TAFA2: variants seen among roughly 807,000 people sequenced by gnomAD.
TAFA2 encodes TAFA chemokine like family member 2.
A neutral mutation model predicts 18.8 loss-of-function variants in TAFA2; 7 were observed. The observed-to-expected ratio is 0.37, with a 90% CI of 0.21 to 0.70. The LOEUF (loss-of-function observed/expected upper bound fraction) is 0.70. Among genes scored for constraint, TAFA2 ranks in the 30% least tolerant of loss-of-function variants. The pLI is 0.53. For missense variants in TAFA2, 122 were observed against 158.1 expected, an observed-to-expected ratio of 0.77 and a Z score of 1.23; for synonymous variants, 60 against 54.2, an observed-to-expected ratio of 1.11 and a Z score of -0.47.
At chr12:62,203,044 C>A (rs141536027) in intron 1 of TAFA2, among the ~76,000 whole-genome samples, 49 of 152,126 alleles carry the variant, frequency 3.2e-4, no homozygotes, top group Admixed American at 1.4e-3. Context: ...CCAGGCTCGT[C>A]TTGAACTCCT....
At chr12:61,869,978 A>C (rs2121226888) in intron 1 of TAFA2, among the ~76,000 whole-genome samples, 1 of 152,300 alleles carries the variant, frequency 6.6e-6, no homozygotes, top group Non-Finnish European at 1.5e-5. Flanking sequence ...CTCTGCTACA[A>C]GGGCAATGAC....
At position 61,889,061 on chromosome 12, in the gene TAFA2, A is replaced by G. The variant is rs200614503; in HGVS notation, c.-1-21635T>C. Among the ~76,000 whole-genome samples, 402 of 151,914 alleles carry G rather than the reference A, an allele frequency of 2.6e-3. 2 individuals are homozygous for G. The highest frequency in any genetic ancestry group is 9.2e-3 in the African/African-American group (380 of 41,440). On this transcript the variant is annotated intron_variant, in intron 1 of 4. Transcript: ENST00000416284. ...GAGTGAGCTTAGGAAAGTTACCACA[A>G]CTCCTTCTCCATTCATCTCCCGTCT...
At chr12:61,769,820 CA>C (rs1869949857) in intron 2 of TAFA2, among the ~76,000 whole-genome samples, 1 of 152,030 alleles carries the variant, frequency 6.6e-6, no homozygotes, top group Admixed American at 6.6e-5. Flanking sequence ...GAAAATATGA[CA>C]AAACAAGGTT....
chr12:61,978,712 G>A (rs17125576), intron 1 of TAFA2, among the ~76,000 whole-genome samples: 1 of 151,968 alleles, frequency 6.6e-6, no homozygotes, highest in Non-Finnish European at 1.5e-5. Context: ...GAATTAGAAC[G>A]CCTGGAGAAG....
At chr12:62,248,971 GT>G (rs1407574738) in intron 1 of TAFA2, among the ~76,000 whole-genome samples, 2 of 152,118 alleles carry the variant, frequency 1.3e-5, no homozygotes, top group African/African-American at 4.8e-5. Context: ...TCTGAAGAAT[GT>G]GAGAGATGCA....
intron 1 of TAFA2, among the ~76,000 whole-genome samples, chr12:62,120,772 T>C (rs191206430): frequency 1.8e-4 from 27 of 152,206 alleles, no homozygotes; most frequent in African/African-American, 5.3e-4. Context: ...CTCCAGAGTC[T>C]CTAGTGGGGT....
At chr12:61,811,392 T>C (rs1454446530) in intron 2 of TAFA2, among the ~76,000 whole-genome samples, 1 of 151,334 alleles carries the variant, frequency 6.6e-6, no homozygotes, top group African/African-American at 2.5e-5. Flanking sequence ...GTGTGATTAG[T>C]GAATTAAAGA....
chr12:62,031,182 G>C (rs531661307), intron 1 of TAFA2, among the ~76,000 whole-genome samples: 1 of 152,138 alleles, frequency 6.6e-6, no homozygotes, highest in South Asian at 2.1e-4. Flanking sequence ...TGTTCCCAAA[G>C]GAGATTAACA....
chr12:61,778,058 G>A (rs1394141619), intron 2 of TAFA2, among the ~76,000 whole-genome samples: 1 of 151,730 alleles, frequency 6.6e-6, no homozygotes, highest in Non-Finnish European at 1.5e-5. Flanking sequence ...GAATGACCTT[G>A]CGCAAGTTAT....
intron 1 of TAFA2, among the ~76,000 whole-genome samples, chr12:62,016,033 A>G (rs541738524): frequency 7.5e-4 from 109 of 145,742 alleles, no homozygotes; most frequent in African/African-American, 2.6e-3. Flanking sequence ...AATAGTTACA[A>G]TGATAAATTT....
At position 61,794,592 on chromosome 12, in the gene TAFA2, G is replaced by A. The variant is rs575661397; in HGVS notation, c.107-39568C>T. Among the ~76,000 whole-genome samples, 8 of 152,044 alleles carry A rather than the reference G, an allele frequency of 5.3e-5. No homozygotes were observed. The East Asian group carries it at 9.7e-4, about 18-fold the overall frequency. On this transcript the variant is annotated intron_variant, in intron 2 of 4. Coordinates refer to ENST00000416284, the MANE Select transcript of TAFA2 (RefSeq NM_178539.5). ...CTTAATATTATGATTTCGATTCACC[G>A]TGTATTTATCTTTAGGTCCATTGTA...
intron 4 of TAFA2, among the ~76,000 whole-genome samples, chr12:61,716,388 C>CA (rs1320597771): frequency 6.6e-6 from 1 of 152,036 alleles, no homozygotes; most frequent in East Asian, 1.9e-4. Flanking sequence ...ATTATTATGC[C>CA]AAAAAAATGC....
intron 1 of TAFA2, chr12:62,145,516 C>A (rs563761889): frequency 6.6e-6 from 1 of 152,310 alleles, no homozygotes; most frequent in South Asian, 2.1e-4. Flanking sequence ...TGTTGGGGAC[C>A]ACTGATATAA....
intron 1 of TAFA2, among the ~76,000 whole-genome samples, chr12:61,901,788 G>T (rs1432696296): frequency 1.3e-5 from 2 of 152,118 alleles, no homozygotes; most frequent in Non-Finnish European, 2.9e-5. Context: ...GGCAATTTTT[G>T]ATTGTATACC....
chr12:61,722,216 A>G (rs1331019130), intron 4 of TAFA2, among the ~76,000 whole-genome samples: 1 of 152,174 alleles, frequency 6.6e-6, no homozygotes, highest in Non-Finnish European at 1.5e-5. Flanking sequence ...AATAGTTAAA[A>G]CTAATAGCAA....
intron 2 of TAFA2, among the ~76,000 whole-genome samples, chr12:61,834,720 A>C (rs764683031): frequency 6.6e-6 from 1 of 152,036 alleles, no homozygotes; most frequent in African/African-American, 2.4e-5. Context: ...GTGGGAAAAA[A>C]ACTGTAAGAC....
chr12:61,991,404 A>G (rs1255589823), intron 1 of TAFA2, among the ~76,000 whole-genome samples: 4 of 152,216 alleles, frequency 2.6e-5, no homozygotes, highest in African/African-American at 7.2e-5. Flanking sequence ...GAATGTTACT[A>G]TAAGCACATA....
At chr12:61,834,324 A>G (rs1430381512) in intron 2 of TAFA2, among the ~76,000 whole-genome samples, 1 of 152,046 alleles carries the variant, frequency 6.6e-6, no homozygotes, top group Non-Finnish European at 1.5e-5. Flanking sequence ...AGTCAGAAAG[A>G]TCAATAGCAT....
At chr12:62,050,700 AC>A (rs1882030039) in intron 1 of TAFA2, among the ~76,000 whole-genome samples, 1 of 152,098 alleles carries the variant, frequency 6.6e-6, no homozygotes, top group Admixed American at 6.5e-5. Context: ...CTGGCAGTAA[AC>A]TCCTGCAACC....
Sources: gnomAD v4.1 joint callset for allele counts (sites outside exome capture counted in the v4.1 genomes callset) on GRCh38, gnomAD v4.1.1 for gene constraint, MANE v1.5 for transcripts, NCBI Gene and HGNC (gene_info 2026-07-23, HGNC 2026-07-21) for gene names.